The following TLN2 variants were observed in gnomAD, a reference collection of about 807,000 sequenced individuals.
TLN2 encodes the protein talin 2, also known as talin-2.
A neutral mutation model predicts 294.7 loss-of-function variants in TLN2; 118 were observed. The observed-to-expected ratio is 0.40, with a 90% CI of 0.34 to 0.47. The LOEUF (loss-of-function observed/expected upper bound fraction) is 0.47. Among genes scored for constraint, TLN2 ranks in the 20% least tolerant of loss-of-function variants. The pLI is 0.84. For synonymous variants in TLN2, 1,431 were observed against 1,304.5 expected (o/e 1.10, Z -2.09); for missense variants, 3,083 against 3,282.2 (o/e 0.94, Z 1.48).
intron 1 of TLN2, among the ~76,000 whole-genome samples, chr15:62,422,219 C>CA (rs386383227): frequency 0.065 from 3,580 of 55,146 alleles, 410 homozygotes; most frequent in African/African-American, 0.16. Context: ...AACTCTGTCT[C>CA]AAAAAAAAAA....
intron 1 of TLN2, among the ~76,000 whole-genome samples, chr15:62,464,760 A>G (rs2037019382): frequency 6.6e-6 from 1 of 152,168 alleles, no homozygotes; most frequent in Non-Finnish European, 1.5e-5. Flanking sequence ...GCATTCTTGA[A>G]GTGCTCATTT....
chr15:62,755,490 C>T (rs1440059868), intron 36 of TLN2, 42 bp from the exon 37 acceptor site: 1 of 1,605,072 alleles, frequency 6.2e-7, no homozygotes, highest in Non-Finnish European at 8.5e-7. Flanking sequence ...CCCCTCTGCA[C>T]TGTAGCATGG....
chr15:62,652,184 C>A, intron 6 of TLN2, 50 bp downstream of exon 6: 1 of 1,453,920 alleles, frequency 6.9e-7, no homozygotes, highest in South Asian at 1.7e-5. Context: ...TTTTTAATTA[C>A]AGGCCTCTTC....
chr15:62,646,258 G>C (rs1423202148), intron 3 of TLN2, among the ~76,000 whole-genome samples: 1 of 151,934 alleles, frequency 6.6e-6, no homozygotes, highest in Non-Finnish European at 1.5e-5. Context: ...TGTCTCCCGG[G>C]TTCAAGCGAT....
rs112416332 is a variant in TLN2 at position 62,804,217 on chromosome 15, G to A, written c.6478-1383G>A. ...TCTGACATGCATAGGCAGGCCTAATGGTGGTGATCAAAGAGACTTGAAATT... is the reference window on the plus strand; with the variant it reads ...TCTGACATGCATAGGCAGGCCTAATAGTGGTGATCAAAGAGACTTGAAATT... On this transcript the variant is annotated intron_variant, in intron 50 of 58. Transcript: ENST00000636159. 7.5e-4 allele frequency among the ~76,000 whole-genome samples: 114 copies of A among 152,316 alleles called. 2 individuals carry two copies. Among genetic ancestry groups the A allele is most frequent in the African/African-American group, 2.7e-3 (111 of 41,576 alleles).
chr15:62,685,344 G>C (rs775527067), intron 11 of TLN2, among the ~76,000 whole-genome samples: 1 of 152,038 alleles, frequency 6.6e-6, no homozygotes, highest in Non-Finnish European at 1.5e-5. Flanking sequence ...TTGAAAACTT[G>C]GATTGTTTCA....
chr15:62,541,464 A>G (rs1244982749), intron 1 of TLN2, among the ~76,000 whole-genome samples: 2 of 152,052 alleles, frequency 1.3e-5, no homozygotes, highest in South Asian at 2.1e-4. Context: ...TTGACCCTGG[A>G]TGGTGCTCCC....
chr15:62,461,010 G>A lies in TLN2; in HGVS notation c.-238+70325G>A, dbSNP rs78976529. Among the ~76,000 whole-genome samples the A allele has an allele frequency of 2.4e-3, 366 of 152,112 alleles. 7 individuals carry two copies. Among genetic ancestry groups the A allele is most frequent in the East Asian group, 9.5e-3 (49 of 5,164 alleles). On this transcript the variant is annotated intron_variant, in intron 1 of 58. Coordinates refer to ENST00000636159, the MANE Select transcript of TLN2 (RefSeq NM_015059.3). ...GCCCAGCAGGCTGGAGTACAGTGGC[G>A]CAATCTCAGCTCACTGCAACCTCTG...
chr15:62,821,378 C>T (rs781583763), intron 54 of TLN2, among the ~76,000 whole-genome samples: 1 of 152,240 alleles, frequency 6.6e-6, no homozygotes, highest in Non-Finnish European at 1.5e-5. Context: ...TGTAACTCAT[C>T]TATTTCCAAG....
At chr15:62,520,058 C>T (rs554440866) in intron 1 of TLN2, among the ~76,000 whole-genome samples, 1 of 152,280 alleles carries the variant, frequency 6.6e-6, no homozygotes, top group East Asian at 1.9e-4. Flanking sequence ...ATAAAACCAT[C>T]AGATCTTGTG....
intron 1 of TLN2, among the ~76,000 whole-genome samples, chr15:62,488,745 A>G (rs1007247873): frequency 1.3e-5 from 2 of 152,224 alleles, no homozygotes; most frequent in Admixed American, 6.5e-5. Flanking sequence ...ATTGATCTCA[A>G]AATATTTACT....
intron 1 of TLN2, among the ~76,000 whole-genome samples, chr15:62,413,531 G>A (rs1048631874): frequency 7.2e-5 from 11 of 152,290 alleles, no homozygotes; most frequent in South Asian, 2.1e-4. Context: ...GGCTTGACGC[G>A]CCAGATAGAG....
At chr15:62,397,579 T>G (rs1352189719) in intron 1 of TLN2, among the ~76,000 whole-genome samples, 12 of 152,146 alleles carry the variant, frequency 7.9e-5, no homozygotes, top group Admixed American at 7.9e-4. Flanking sequence ...TTGAAAAAAG[T>G]ACATACTGTG....
At chr15:62,777,791 C>T (rs1332282152) in intron 43 of TLN2, among the ~76,000 whole-genome samples, 1 of 152,158 alleles carries the variant, frequency 6.6e-6, no homozygotes, top group Non-Finnish European at 1.5e-5. Flanking sequence ...GTATCATTTT[C>T]TCATTTAGTG....
intron 43 of TLN2, among the ~76,000 whole-genome samples, chr15:62,780,114 C>A (rs1201551979): frequency 6.6e-6 from 1 of 152,242 alleles, no homozygotes; most frequent in Admixed American, 6.5e-5. Flanking sequence ...ACAGATGCAG[C>A]CTCATTCCCA....
In TLN2 at chr15:62,702,087, G is replaced by A. The variant is rs1288211861; in HGVS notation, c.1792G>A (p.Ala598Thr). 6.2e-7 allele frequency: 1 copy of A among 1,614,232 alleles called. No individual in the cohort carries two copies. The highest frequency in any genetic ancestry group is 1.7e-5 in the Admixed American group (1 of 60,032). Residue 598 changes from alanine to threonine, a missense_variant, in exon 18 of 59, where the codon GCC becomes ACC. Coordinates refer to ENST00000636159, the MANE Select transcript of TLN2 (RefSeq NM_015059.3). ...GATGTCCAAGGGTGTGAAGCTATTG[G>A]CCGCCCTCATGGATGATGAGGTGGG... The part of the protein sequence containing the change: ...TEMSKGVKLL[A>T]ALMDDEVGSG...
intron 3 of TLN2, among the ~76,000 whole-genome samples, chr15:62,622,409 G>T (rs963946152): frequency 2.6e-5 from 4 of 152,110 alleles, no homozygotes; most frequent in Non-Finnish European, 5.9e-5. Flanking sequence ...CCAGACAAGT[G>T]GGGGAATACC....
intron 3 of TLN2, among the ~76,000 whole-genome samples, chr15:62,622,148 A>G (rs1326182619): frequency 2.7e-5 from 4 of 150,168 alleles, no homozygotes; most frequent in East Asian, 2.1e-4. Flanking sequence ...GAGTAATCCT[A>G]TGCTTTGTAG....
chr15:62,520,179 T>C (rs1490768972), intron 1 of TLN2, among the ~76,000 whole-genome samples: 1 of 152,218 alleles, frequency 6.6e-6, no homozygotes, highest in Non-Finnish European at 1.5e-5. Context: ...CTACAATTCA[T>C]GATGAGATTT....
Sources: gnomAD v4.1 joint callset for allele counts (sites outside exome capture counted in the v4.1 genomes callset) on GRCh38, gnomAD v4.1.1 for gene constraint, MANE v1.5 for transcripts, NCBI Gene and HGNC (gene_info 2026-07-23, HGNC 2026-07-21) for gene names.